Variants in HERC2 observed in about 807,000 individuals in gnomAD.
HERC2 encodes HECT and RLD domain containing E3 ubiquitin protein ligase 2, also known as E3 ubiquitin-protein ligase HERC2.
A neutral mutation model predicts 537.7 loss-of-function variants in HERC2; 102 were observed. That is an observed-to-expected ratio of 0.19 (90% CI 0.16 to 0.22). The LOEUF is 0.22. Among genes scored for constraint, HERC2 ranks in the 10% least tolerant of loss-of-function variants. HERC2 has a pLI of 1.00. For missense variants in HERC2, 4,236 were observed against 6,198.2 expected (o/e 0.68, Z 10.63); for synonymous variants, 2,224 against 2,466.2 (o/e 0.90, Z 2.91).
intron 52 of HERC2, among the ~76,000 whole-genome samples, chr15:28,195,184 A>C (rs1897237466): frequency 6.6e-6 from 1 of 152,366 alleles, no homozygotes; most frequent in East Asian, 1.9e-4. Context: ...AAATGAGTCA[A>C]AAATAGATGT....
chr15:28,216,280 A>G lies in HERC2; in HGVS notation c.6029-478T>C, dbSNP rs373418507. Reference sequence around the variant, plus strand: ...ATTTCGTGTTTTAAATATCTCCACAATCTTGCTTATATTTAATCTGCACCA... The same window carrying G: ...ATTTCGTGTTTTAAATATCTCCACAGTCTTGCTTATATTTAATCTGCACCA... On this transcript the variant is annotated intron_variant, in intron 38 of 92. Coordinates refer to ENST00000261609, the MANE Select transcript of HERC2 (RefSeq NM_004667.6). Among the ~76,000 whole-genome samples the G allele has an allele frequency of 9.9e-5, 15 of 151,930 alleles. No homozygotes were observed. In the East Asian group the frequency reaches 1.6e-3, roughly 16 times the overall value.
chr15:28,117,779 C>G, intron 86 of HERC2: 1 of 355,222 alleles, frequency 2.8e-6, no homozygotes, highest in Non-Finnish European at 5.6e-6. Flanking sequence ...TCATCCTAAG[C>G]TACAATTGCT....
In HERC2 at chr15:28,113,010, G is replaced by C. The variant is rs979417619; in HGVS notation, c.14232+61C>G. On this transcript the variant is annotated intron_variant, in intron 92 of 92. Transcript: ENST00000261609. This position sits in a 1 kb window ranked among gnomAD's most constrained non-coding sequence, Gnocchi z 7.0. Reference sequence around the variant, plus strand: ...TGTGCTGCAGGACTGTGGGTGAGGAGCCAGCCACCCACCGTCGGCCGACAT... The same window carrying C: ...TGTGCTGCAGGACTGTGGGTGAGGACCCAGCCACCCACCGTCGGCCGACAT... 1 of 1,416,292 alleles carries C rather than the reference G, an allele frequency of 7.1e-7. No individual in the cohort carries two copies. The highest frequency in any genetic ancestry group is 9.8e-7 in the Non-Finnish European group (1 of 1,019,726). The allele number at this position is 1,416,292 out of a possible 1,614,324, so 87.7% of individuals were successfully genotyped here.
At chr15:28,160,732 C>T (rs551157691) in intron 69 of HERC2, among the ~76,000 whole-genome samples, 1 of 152,290 alleles carries the variant, frequency 6.6e-6, no homozygotes, top group East Asian at 1.9e-4. Context: ...TGCACTGCAC[C>T]CACTGTCCTG....
rs1228644014 is a variant in HERC2, at chr15:28,233,291, G to A, written c.4530C>T (p.Ile1510=). The A allele has an allele frequency of 3.9e-6, 6 of 1,545,468 alleles. No homozygotes were observed. Among genetic ancestry groups the A allele is most frequent in the Non-Finnish European group, 4.5e-6 (5 of 1,121,290 alleles). The change falls in exon 30 of 93, where the codon ATC becomes ATT. Residue 1510 remains isoleucine, a synonymous_variant. Transcript: ENST00000261609. ...RSYKEVCAPV[I]ERLRFLFNEL... is the part of the protein sequence containing the mutation. ...CATTAAAGAGGAATCTCAAACGTTC[G>A]ATGACAGGAGCGCAGACCTCCTTGT...
At chr15:28,201,995 C>A in intron 47 of HERC2, 118 bp downstream of exon 47, 1 of 1,216,206 alleles carries the variant, frequency 8.2e-7, no homozygotes, top group South Asian at 1.3e-5. Context: ...TTTTATGGAA[C>A]AGTCCACAGT....
At chr15:28,190,762 G>A (rs1896783489) in intron 55 of HERC2, 1 of 579,816 alleles carries the variant, frequency 1.7e-6, no homozygotes. Context: ...AATGAAATTT[G>A]TTTCCTTTTC....
chr15:28,192,031 G>C lies in HERC2; in HGVS notation c.8381C>G (p.Ser2794Cys). Residue 2794 changes from serine (S) to cysteine (C), a missense_variant, in exon 53 of 93, where the codon TCC becomes TGC. Ser to Cys is a moderately radical substitution (Grantham distance 112, BLOSUM62 -1). Around this residue, in one of 27 missense-constraint regions of HERC2, gnomAD observed 606 missense variants for 884.5 expected, o/e 0.69. Transcript: ENST00000261609. ...AATGAGACGGGATGCCTGGTTCACGGAGGACGACACATTCAGGCTCTTCAC... is the reference window on the plus strand; with the variant it reads ...AATGAGACGGGATGCCTGGTTCACGCAGGACGACACATTCAGGCTCTTCAC... ...RMVKSLNVSS[S>C]VNQASRLIDG... 1 of 1,614,072 alleles carries C rather than the reference G, an allele frequency of 6.2e-7. No individual in the cohort carries two copies. The highest frequency in any genetic ancestry group is 8.5e-7 in the Non-Finnish European group (1 of 1,180,046).
chr15:28,237,359 C>A (rs1345850052), intron 25 of HERC2, among the ~76,000 whole-genome samples: 1 of 152,188 alleles, frequency 6.6e-6, no homozygotes, highest in Non-Finnish European at 1.5e-5. Context: ...AACTAAACCA[C>A]AGATACATGA....
rs892684724 is a variant in HERC2 at position 28,212,721 on chromosome 15, T to C, written c.6787-138A>G. On this transcript the variant is annotated intron_variant, in intron 42 of 92. Transcript: ENST00000261609. ...GCCTTTTATAGCTGAGAATAATCAT[T>C]TTTTAAAATGACATTAAAGGCAGGA... The C allele has an allele frequency of 5.1e-6, 5 of 983,696 alleles. No homozygotes were observed. The Admixed American group carries it at 8.6e-5, about 17-fold the overall frequency. The allele number at this position is 983,696 out of a possible 1,614,324, so 60.9% of individuals were successfully genotyped here.
rs557763896 is a variant in HERC2, at chr15:28,247,498, G to A, written c.3236-601C>T. On this transcript the variant is annotated intron_variant, in intron 21 of 92. Coordinates refer to ENST00000261609, the MANE Select transcript of HERC2 (RefSeq NM_004667.6). ...GGCTGGAATGCAATGGTCTGATCTC[G>A]GCTCACTGCAACCTCCGCCTCCTGG... 3.3e-4 allele frequency among the ~76,000 whole-genome samples: 47 copies of A among 141,840 alleles called. No homozygotes were observed. In the South Asian group the frequency reaches 7.4e-3, roughly 22 times the overall value. The allele number at this position is 141,840 out of a possible 152,430, so 93.1% of individuals were successfully genotyped here.
intron 45 of HERC2, among the ~76,000 whole-genome samples, chr15:28,204,376 C>A (rs1207621169): frequency 1.3e-5 from 2 of 152,128 alleles, no homozygotes; most frequent in Non-Finnish European, 2.9e-5. Flanking sequence ...AATCCCAGCA[C>A]TTTGGGAGCC....
intron 78 of HERC2, 102 bp downstream of exon 78, chr15:28,141,330 C>G (rs540267950): frequency 4.4e-6 from 4 of 900,852 alleles, no homozygotes; most frequent in Non-Finnish European, 3.6e-6. Context: ...TCCTGAGAAA[C>G]GTTTTAGTAC....
intron 69 of HERC2, among the ~76,000 whole-genome samples, chr15:28,158,709 T>G (rs1893270811): frequency 6.6e-6 from 1 of 152,222 alleles, no homozygotes; most frequent in East Asian, 1.9e-4. Flanking sequence ...GTCTGTGTCT[T>G]TTAATTGGAG....
intron 35 of HERC2, among the ~76,000 whole-genome samples, chr15:28,224,635 A>C (rs1900916725): frequency 6.6e-6 from 1 of 152,154 alleles, no homozygotes; most frequent in Admixed American, 6.5e-5. Flanking sequence ...TAGCCAAAGA[A>C]CACCACCATA....
intron 23 of HERC2, among the ~76,000 whole-genome samples, chr15:28,243,916 C>T (rs927994787): frequency 1.3e-5 from 2 of 152,044 alleles, no homozygotes; most frequent in African/African-American, 2.4e-5. Context: ...TTGGCAGGAG[C>T]GCTGGCTCAT....
chr15:28,245,410 G>A (rs1903559736), intron 23 of HERC2, among the ~76,000 whole-genome samples: 1 of 151,940 alleles, frequency 6.6e-6, no homozygotes, highest in South Asian at 2.1e-4. Flanking sequence ...AGCTGGGCAT[G>A]GTGGTGTGCA....
In HERC2 at chr15:28,202,236, C is replaced by T; in HGVS notation, c.7494G>A (p.Leu2498=). Residue 2498 remains leucine (L), a synonymous_variant, in exon 47 of 93, where the codon TTG becomes TTA. Coordinates refer to ENST00000261609, the MANE Select transcript of HERC2 (RefSeq NM_004667.6). ...CGGAGTGGTCCAGCAGCCACCCGAC[C>T]AAGGCTTCCACACCTAAGAGAGGCA... The part of the protein sequence containing the change: ...NASSLPGVEA[L]VGWLLDHSDI... 1.2e-6 allele frequency: 2 copies of T among 1,610,630 alleles called. No homozygotes were observed. Among genetic ancestry groups the T allele is most frequent in the Non-Finnish European group, 1.7e-6 (2 of 1,177,606 alleles).
intron 78 of HERC2, among the ~76,000 whole-genome samples, chr15:28,137,322 G>A (rs1223644851): frequency 1.3e-5 from 2 of 152,084 alleles, no homozygotes; most frequent in African/African-American, 2.4e-5. Flanking sequence ...CTAAATATGT[G>A]TGCTCCTGTA....
Sources: gnomAD v4.1 joint callset for allele counts (sites outside exome capture counted in the v4.1 genomes callset) on GRCh38, gnomAD v4.1.1 for gene constraint, gnomAD v4.1.1 regional missense constraint, Gnocchi (gnomAD v3.1) non-coding constraint, MANE v1.5 for transcripts, NCBI Gene and HGNC (gene_info 2026-07-23, HGNC 2026-07-21) for gene names.